FSTL5: variants seen among roughly 807,000 people sequenced by gnomAD.
FSTL5 encodes the protein follistatin-related protein 5.
In FSTL5, 62 loss-of-function variants were observed where a neutral mutation model predicts 89.1. That is an observed-to-expected ratio of 0.70 (90% confidence interval 0.57 to 0.86). The LOEUF is 0.86. FSTL5 is among the 40% of genes least tolerant of loss of function. The pLI, the probability that FSTL5 is intolerant of heterozygous loss-of-function variation, is 0.00. For missense variants in FSTL5, 1,057 were observed against 1,001.6 expected (o/e 1.06, Z -0.75); for synonymous variants, 383 against 346.2 (o/e 1.11, Z -1.18).
intron 7 of FSTL5, among the ~76,000 whole-genome samples, chr4:161,621,082 C>T (rs1735104120): frequency 6.6e-6 from 1 of 152,150 alleles, no homozygotes; most frequent in Non-Finnish European, 1.5e-5. Context: ...AAAACATACT[C>T]TTGCAAGGTC....
intron 5 of FSTL5, among the ~76,000 whole-genome samples, chr4:161,761,851 A>G (rs1400131991): frequency 6.6e-6 from 1 of 152,202 alleles, no homozygotes; most frequent in Non-Finnish European, 1.5e-5. Context: ...TATTCTAAAT[A>G]TTTCAAATAT....
intron 6 of FSTL5, among the ~76,000 whole-genome samples, chr4:161,665,932 G>A (rs1736879021): frequency 6.6e-6 from 1 of 152,046 alleles, no homozygotes; most frequent in Non-Finnish European, 1.5e-5. Context: ...AAGTTTAACA[G>A]TAAACTTTGA....
At chr4:162,040,385 T>C (rs1385344752) in intron 2 of FSTL5, among the ~76,000 whole-genome samples, 1 of 152,056 alleles carries the variant, frequency 6.6e-6, no homozygotes, top group Non-Finnish European at 1.5e-5. Context: ...TATTCTGTGT[T>C]ATTCTGACAC....
chr4:161,771,256 C>T (rs1741199799), intron 5 of FSTL5, among the ~76,000 whole-genome samples: 1 of 152,024 alleles, frequency 6.6e-6, no homozygotes, highest in Non-Finnish European at 1.5e-5. Context: ...TTATAATCTA[C>T]TACATCTTCA....
intron 6 of FSTL5, among the ~76,000 whole-genome samples, chr4:161,749,535 C>T (rs537780844): frequency 1.1e-4 from 17 of 152,216 alleles, no homozygotes; most frequent in South Asian, 4.1e-4. Context: ...CGGTGGCTCA[C>T]GCCTGTAATC....
At chr4:161,455,259 A>G (rs1203253775) in intron 14 of FSTL5, 131 bp from the exon 15 acceptor site, 2 of 551,590 alleles carry the variant, frequency 3.6e-6, no homozygotes, top group Non-Finnish European at 5.7e-6. Context: ...CCTCAAAATC[A>G]ATATATTATT....
intron 3 of FSTL5, among the ~76,000 whole-genome samples, chr4:161,966,856 C>T (rs940445231): frequency 6.6e-6 from 1 of 151,974 alleles, no homozygotes; most frequent in Non-Finnish European, 1.5e-5. Flanking sequence ...CTTAATCTTG[C>T]CCTCATGATT....
At chr4:161,978,916 A>T (rs911927968) in intron 3 of FSTL5, among the ~76,000 whole-genome samples, 1 of 152,144 alleles carries the variant, frequency 6.6e-6, no homozygotes, top group African/African-American at 2.4e-5. Context: ...AAGTTTTATC[A>T]CTTAGTTTAA....
At chr4:161,998,794 A>G (rs998398882) in intron 3 of FSTL5, among the ~76,000 whole-genome samples, 1 of 152,084 alleles carries the variant, frequency 6.6e-6, no homozygotes, top group Non-Finnish European at 1.5e-5. Flanking sequence ...AAGGAATTGC[A>G]TAGACAGATT....
chr4:161,727,230 A>G (rs1739455504), intron 6 of FSTL5, among the ~76,000 whole-genome samples: 1 of 152,096 alleles, frequency 6.6e-6, no homozygotes, highest in Non-Finnish European at 1.5e-5. Context: ...TGACTTCCTT[A>G]TTTTTATCAT....
intron 5 of FSTL5, among the ~76,000 whole-genome samples, chr4:161,761,771 C>G (rs761349890): frequency 6.6e-6 from 1 of 152,160 alleles, no homozygotes; most frequent in Non-Finnish European, 1.5e-5. Context: ...TAATAAACTT[C>G]TTATTTTTTA....
chr4:161,577,743 A>G (rs1733279797), intron 8 of FSTL5, among the ~76,000 whole-genome samples: 1 of 152,182 alleles, frequency 6.6e-6, no homozygotes, highest in Non-Finnish European at 1.5e-5. Context: ...ACTATTCAAA[A>G]TCAGGCAAAA....
intron 10 of FSTL5, among the ~76,000 whole-genome samples, chr4:161,536,303 T>G (rs564357623): frequency 1.3e-5 from 2 of 152,218 alleles, no homozygotes; most frequent in African/African-American, 4.8e-5. Flanking sequence ...AAAATACAAA[T>G]GTGCCATGTA....
At chr4:161,425,325 T>C (rs1732133509) in intron 15 of FSTL5, among the ~76,000 whole-genome samples, 1 of 152,202 alleles carries the variant, frequency 6.6e-6, no homozygotes, top group South Asian at 2.1e-4. Flanking sequence ...TGTCCAAGTT[T>C]TCCATATTTA....
At chr4:161,484,060 A>C (rs1476369862) in intron 12 of FSTL5, among the ~76,000 whole-genome samples, 1 of 152,150 alleles carries the variant, frequency 6.6e-6, no homozygotes, top group Non-Finnish European at 1.5e-5. Flanking sequence ...TGATGGTATA[A>C]ATTTTAATTA....
chr4:161,858,746 G>GCTT (rs1731804556), intron 4 of FSTL5, among the ~76,000 whole-genome samples: 1 of 152,062 alleles, frequency 6.6e-6, no homozygotes, highest in East Asian at 1.9e-4. Flanking sequence ...TGTGTGTCTT[G>GCTT]CTTCTGCCTC....
chr4:161,937,965 C>G (rs1734477934), intron 3 of FSTL5, among the ~76,000 whole-genome samples: 1 of 152,090 alleles, frequency 6.6e-6, no homozygotes, highest in Non-Finnish European at 1.5e-5. Flanking sequence ...TGTCCAGTTT[C>G]TTTGTCTAAC....
chr4:161,546,069 T>C (rs1429062002), intron 8 of FSTL5, among the ~76,000 whole-genome samples: 1 of 151,560 alleles, frequency 6.6e-6, no homozygotes, highest in Non-Finnish European at 1.5e-5. Flanking sequence ...CTAGAAATGC[T>C]ATATTTTTAA....
At chr4:162,067,945 C>G (rs1738973464) in intron 2 of FSTL5, among the ~76,000 whole-genome samples, 1 of 151,972 alleles carries the variant, frequency 6.6e-6, no homozygotes, top group African/African-American at 2.4e-5. Flanking sequence ...AACTCCAATT[C>G]ACAATTCCTA....
Sources: allele counts gnomAD v4.1 joint callset (sites outside exome capture counted in the v4.1 genomes callset), GRCh38; gene constraint gnomAD v4.1.1; transcripts MANE v1.5; gene names NCBI Gene and HGNC (gene_info 2026-07-23, HGNC 2026-07-21).